DNAJB13: variants seen among roughly 807,000 people sequenced by gnomAD.
The protein encoded by DNAJB13 is dnaJ homolog subfamily B member 13.
A neutral mutation model predicts 35.6 loss-of-function variants in DNAJB13; 22 were observed. That is an observed-to-expected ratio of 0.62 (90% CI 0.44 to 0.88). The LOEUF (loss-of-function observed/expected upper bound fraction) is 0.88. DNAJB13 is among the 40% of genes least tolerant of loss of function. DNAJB13 has a pLI of 0.00. For missense variants in DNAJB13, 370 were observed against 384.3 expected (o/e 0.96, Z 0.31); for synonymous variants, 136 against 144.2 (o/e 0.94, Z 0.41).
chr11:73,968,486 GGGA>G (rs754601027), intron 6 of DNAJB13, 28 bp downstream of exon 6: 11 of 1,596,398 alleles, frequency 6.9e-6, no homozygotes, highest in East Asian at 6.7e-5. Flanking sequence ...AGGAGCAGCG[GGGA>G]GGAGATCAGA....
At position 73,969,367 on chromosome 11, in the gene DNAJB13, G is replaced by T. The variant is rs758669490; in HGVS notation, c.797+45G>T. 9 of 863,810 alleles carry T rather than the reference G, an allele frequency of 1.0e-5. No homozygotes were observed. The Admixed American group carries it at 1.4e-4, about 13-fold the overall frequency. 53.5% of individuals were successfully genotyped at this position (863,810 alleles called of 1,614,324 possible). ...GCCCCAGTAGCCAAGAGAAGGGCTA[G>T]CCTGGGATTTAGGTGGTAGTGTGAC... On this transcript the variant is annotated intron_variant, in intron 7 of 7. Transcript: ENST00000339764.
intron 7 of DNAJB13, 111 bp from the exon 8 acceptor site, chr11:73,969,850 G>A (rs570959608): frequency 1.8e-4 from 249 of 1,389,342 alleles, no homozygotes; most frequent in Non-Finnish European, 2.2e-4. Context: ...GGTGAAGACT[G>A]CAGTGACTGT....
chr11:73,951,289 T>C, intron 1 of DNAJB13, 152 bp downstream of exon 1: 1 of 990,526 alleles, frequency 1.0e-6, no homozygotes, highest in Non-Finnish European at 1.5e-6. Context: ...CTGGCTTTGG[T>C]CTGGGTCAGG....
At chr11:73,957,699 G>A (rs556877169) in intron 1 of DNAJB13, among the ~76,000 whole-genome samples, 1 of 152,302 alleles carries the variant, frequency 6.6e-6, no homozygotes, top group East Asian at 1.9e-4. Flanking sequence ...GAGGGTGGGG[G>A]CGGCACAGGA....
chr11:73,966,111 C>A, intron 4 of DNAJB13, 27 bp from the exon 5 acceptor site: 16 of 1,594,918 alleles, frequency 1.0e-5, no homozygotes, highest in Non-Finnish European at 1.3e-5. Flanking sequence ...CTAAGCAGAC[C>A]TCCCCACACC....
chr11:73,965,642 C>T (rs1380630643), intron 4 of DNAJB13: 1 of 164,454 alleles, frequency 6.1e-6, no homozygotes, highest in Non-Finnish European at 1.3e-5. Flanking sequence ...GGACATGCGA[C>T]TGGGGAGTGG....
chr11:73,965,072 T>A, intron 4 of DNAJB13, 37 bp downstream of exon 4: 1 of 1,528,998 alleles, frequency 6.5e-7, no homozygotes, highest in Non-Finnish European at 8.8e-7. Context: ...GAGCCACCTA[T>A]CTCCTGCAGC....
At chr11:73,964,444 C>T (rs56349134) in intron 3 of DNAJB13, 7,188 of 218,582 alleles carry the variant, frequency 0.033, 554 homozygotes, top group African/African-American at 0.16. Context: ...GACTGGCAGG[C>T]TCTCACCTTC....
At chr11:73,969,929 C>T in intron 7 of DNAJB13, 32 bp from the exon 8 acceptor site, 1 of 1,588,112 alleles carries the variant, frequency 6.3e-7, no homozygotes, top group Non-Finnish European at 8.6e-7. Flanking sequence ...TCTGGGATGC[C>T]CTCTATGCTC....
intron 3 of DNAJB13, chr11:73,964,616 T>TATCATTAAAA: frequency 2.4e-6 from 1 of 423,520 alleles, no homozygotes; most frequent in African/African-American, 2.1e-5. Context: ...CAAGGGGAGG[T>TATCATTAAAA]GAAGCAGTGG....
At chr11:73,962,137 TC>T (rs1950948434) in intron 3 of DNAJB13, among the ~76,000 whole-genome samples, 1 of 152,204 alleles carries the variant, frequency 6.6e-6, no homozygotes, top group Admixed American at 6.5e-5. Flanking sequence ...GGTAGTTTCT[TC>T]CCAGTCTTTT....
In DNAJB13 at chr11:73,951,096, C is replaced by T. The variant is rs781472276; in HGVS notation, c.27C>T (p.Leu9=). The T allele has an allele frequency of 3.7e-6, 6 of 1,614,050 alleles. No individual in the cohort carries two copies. In the Admixed American group the frequency reaches 6.7e-5, roughly 18 times the overall value. The change falls in exon 1 of 8, where the codon CTC becomes CTT. Residue 9 remains leucine (L), a synonymous_variant. Transcript: ENST00000339764. The part of the protein sequence containing the change: MGQDYYSV[L]GITRNSEDAQ... ...TGGGCCAGGATTATTACTCTGTGCTCGGGATCACTCGCAATTCAGAGGATG... is the reference window on the plus strand; with the variant it reads ...TGGGCCAGGATTATTACTCTGTGCTTGGGATCACTCGCAATTCAGAGGATG...
intron 3 of DNAJB13, among the ~76,000 whole-genome samples, chr11:73,960,797 A>G (rs995110204): frequency 6.6e-6 from 1 of 152,144 alleles, no homozygotes; most frequent in African/African-American, 2.4e-5. Flanking sequence ...TTCACTTAAT[A>G]TATCTTGGAG....
intron 5 of DNAJB13, chr11:73,967,826 G>A (rs968179451): frequency 3.4e-5 from 6 of 174,976 alleles, no homozygotes; most frequent in African/African-American, 1.2e-4. Context: ...AGTGTTCCCC[G>A]CTCTGGGCAG....
At chr11:73,969,873 G>A in intron 7 of DNAJB13, 88 bp from the exon 8 acceptor site, 1 of 1,476,768 alleles carries the variant, frequency 6.8e-7, no homozygotes, top group Non-Finnish European at 9.1e-7. Context: ...CCTTCCTGGG[G>A]TTATGTGAGT....
intron 3 of DNAJB13, among the ~76,000 whole-genome samples, chr11:73,961,904 C>T (rs1345620958): frequency 6.6e-6 from 1 of 152,212 alleles, no homozygotes; most frequent in Non-Finnish European, 1.5e-5. Flanking sequence ...ATTCTCCTGC[C>T]TCAGCCACCC....
chr11:73,959,088 A>C (rs1384935682), intron 2 of DNAJB13, among the ~76,000 whole-genome samples: 1 of 152,176 alleles, frequency 6.6e-6, no homozygotes, highest in Non-Finnish European at 1.5e-5. Context: ...TCGAAGTTTT[A>C]AAATTTGGAG....
Position 73,958,317 on chromosome 11 carries a change from G to T in DNAJB13, c.69G>T (p.Ala23=). The stretch of plus-strand genomic sequence containing the variant: ...CTTGTATTAATTCTCCCTCTTCCAG[G>T]TACCGCAGACTCGCCCTTAAGCACC... ...RNSEDAQIKQ[A]YRRLALKHHP... The change falls in exon 2 of 8, where the codon GCG becomes GCT. Residue 23 remains alanine, a splice_region_variant and synonymous_variant. Coordinates refer to ENST00000339764, the MANE Select transcript of DNAJB13 (RefSeq NM_153614.4). 2 of 1,614,020 alleles carry T rather than the reference G, an allele frequency of 1.2e-6. No homozygotes were observed. Among genetic ancestry groups the T allele is most frequent in the Non-Finnish European group, 1.7e-6 (2 of 1,179,974 alleles).
intron 3 of DNAJB13, 70 bp from the exon 4 acceptor site, chr11:73,964,808 T>TGTGCGC (rs1951042065): frequency 2.8e-6 from 2 of 726,536 alleles, no homozygotes; most frequent in Admixed American, 5.2e-5. Context: ...TGTGTGTGTG[T>TGTGCGC]GTGTGCGCGC....
Sources: gnomAD v4.1 joint callset for allele counts (sites outside exome capture counted in the v4.1 genomes callset) on GRCh38, gnomAD v4.1.1 for gene constraint, MANE v1.5 for transcripts, NCBI Gene and HGNC (gene_info 2026-07-23, HGNC 2026-07-21) for gene names.